The following MYBL2 variants were observed in gnomAD, a reference collection of about 807,000 sequenced individuals.
MYBL2 encodes myb-related protein B.
Under a neutral mutation model 79.9 loss-of-function variants are expected in MYBL2, and 28 were observed. The ratio of observed to expected loss-of-function variants is 0.35; its 90% CI spans 0.26 to 0.48. The LOEUF is 0.48. Ranked by LOEUF, MYBL2 falls within the 20% of genes least tolerant of loss-of-function variation. The probability of loss-of-function intolerance (pLI) is 0.99; values close to 1 mark genes in which losing one functional copy is unlikely to be tolerated. For synonymous variants in MYBL2, 378 were observed against 361.2 expected (o/e 1.05, Z -0.53); for missense variants, 735 against 893.9 (o/e 0.82, Z 2.27).
intron 5 of MYBL2, among the ~76,000 whole-genome samples, chr20:43,689,491 C>G (rs969953621): frequency 1.3e-5 from 2 of 152,156 alleles, no homozygotes; most frequent in Admixed American, 1.3e-4. Flanking sequence ...ACCCTGAGCT[C>G]TTCTCAGAGC....
At chr20:43,675,433 C>T (rs529772546) in intron 2 of MYBL2, among the ~76,000 whole-genome samples, 2 of 152,062 alleles carry the variant, frequency 1.3e-5, no homozygotes, top group South Asian at 2.1e-4. Context: ...CCTGCCTGAG[C>T]CTCCTGAGTA....
At chr20:43,701,703 C>T (rs868171213) in intron 7 of MYBL2, among the ~76,000 whole-genome samples, 2 of 152,212 alleles carry the variant, frequency 1.3e-5, no homozygotes, top group South Asian at 2.1e-4. Context: ...ACATCCCATT[C>T]ACTGCTCTAT....
At chr20:43,689,446 G>A (rs1014173037) in intron 5 of MYBL2, among the ~76,000 whole-genome samples, 2 of 152,088 alleles carry the variant, frequency 1.3e-5, no homozygotes, top group Non-Finnish European at 2.9e-5. Context: ...GTGCTTACTC[G>A]GTGTTAGCTG....
chr20:43,673,789 G>A lies in MYBL2; in HGVS notation c.21-17G>A. On this transcript the variant is annotated splice_polypyrimidine_tract_variant and intron_variant, in intron 1 of 13. Transcript: ENST00000217026. ...ATGGACACACCATCCTTGACCCTTG[G>A]CCTGCTTTCCCCATAGCGAGGATCT... is the stretch of plus-strand genomic sequence containing the variant. 1.9e-6 allele frequency: 3 copies of A among 1,572,146 alleles called. No individual in the cohort carries two copies. The highest frequency in any genetic ancestry group is 2.6e-6 in the Non-Finnish European group (3 of 1,157,492).
chr20:43,687,601 T>G (rs539061860), intron 5 of MYBL2, among the ~76,000 whole-genome samples: 1 of 152,334 alleles, frequency 6.6e-6, no homozygotes, highest in South Asian at 2.1e-4. Context: ...GAGTTCTTTA[T>G]CTCTTTAAGT....
intron 13 of MYBL2, 43 bp from the exon 14 acceptor site, chr20:43,715,916 A>T (rs1988020792): frequency 6.3e-7 from 1 of 1,581,118 alleles, no homozygotes; most frequent in East Asian, 2.2e-5. Flanking sequence ...TGTTGGGAAC[A>T]CATAGTCCCT....
At chr20:43,702,058 C>A (rs372218526) in intron 7 of MYBL2, among the ~76,000 whole-genome samples, 2 of 152,060 alleles carry the variant, frequency 1.3e-5, no homozygotes, top group East Asian at 3.9e-4. Flanking sequence ...ACCCGGAAGG[C>A]GGAGGTTGCA....
rs766959084 is a variant in MYBL2 at position 43,670,960 on chromosome 20, CT to C, written c.21-2838del. Among the ~76,000 whole-genome samples the C allele has an allele frequency of 7.9e-4, 115 of 144,660 alleles. 1 individual carries two copies. Among genetic ancestry groups the C allele is most frequent in the African/African-American group, 2.8e-3 (105 of 37,412 alleles). The allele number at this position is 144,660 out of a possible 152,430, so 94.9% of individuals were successfully genotyped here. A position where few individuals can be genotyped will look rare whatever the true frequency, so the allele number is the denominator to read the frequency against. The stretch of plus-strand genomic sequence containing the variant: ...TCTCTGGAGGTGGATCCTATGATTT[CT>C]TTTTTTTCTTTTTTTTTTTTTTTTT... On this transcript the variant is annotated intron_variant, in intron 1 of 13. Coordinates refer to ENST00000217026, the MANE Select transcript of MYBL2 (RefSeq NM_002466.4).
At chr20:43,710,341 T>C (rs964593873) in intron 10 of MYBL2, among the ~76,000 whole-genome samples, 4 of 152,170 alleles carry the variant, frequency 2.6e-5, no homozygotes, top group Non-Finnish European at 5.9e-5. Context: ...GGGAGACTGA[T>C]GTGAAATACA....
intron 5 of MYBL2, among the ~76,000 whole-genome samples, chr20:43,690,200 T>G (rs937272129): frequency 1.3e-5 from 2 of 151,964 alleles, no homozygotes; most frequent in South Asian, 2.1e-4. Flanking sequence ...TTGTTTTTTT[T>G]TTTTTGTTTG....
chr20:43,712,904 G>T (rs1364780121), intron 11 of MYBL2, 98 bp from the exon 12 acceptor site: 1 of 890,820 alleles, frequency 1.1e-6, no homozygotes, highest in Non-Finnish European at 1.8e-6. Context: ...CTGCAGCAGG[G>T]CCTGGTTTTG....
intron 1 of MYBL2, among the ~76,000 whole-genome samples, chr20:43,671,541 T>C (rs1986857074): frequency 7.0e-6 from 1 of 142,034 alleles, no homozygotes; most frequent in Admixed American, 6.9e-5. Context: ...GGCTTGATCT[T>C]GGCTCACCGC....
At chr20:43,671,234 C>G (rs1438018541) in intron 1 of MYBL2, among the ~76,000 whole-genome samples, 1 of 152,082 alleles carries the variant, frequency 6.6e-6, no homozygotes, top group African/African-American at 2.4e-5. Flanking sequence ...CTGCTCACTG[C>G]AACCTCCGCC....
intron 2 of MYBL2, among the ~76,000 whole-genome samples, chr20:43,674,711 T>C (rs1486200484): frequency 2.0e-5 from 3 of 151,936 alleles, no homozygotes; most frequent in African/African-American, 4.8e-5. Flanking sequence ...TTGTATTTTT[T>C]AGTAGAGACG....
At chr20:43,712,375 C>T (rs986754615) in intron 11 of MYBL2, among the ~76,000 whole-genome samples, 2 of 152,142 alleles carry the variant, frequency 1.3e-5, no homozygotes, top group Admixed American at 1.3e-4. Flanking sequence ...CCCATGTGCA[C>T]GTGGAGAGAA....
At chr20:43,677,713 C>T (rs1379346552) in intron 2 of MYBL2, among the ~76,000 whole-genome samples, 5 of 150,512 alleles carry the variant, frequency 3.3e-5, no homozygotes, top group Non-Finnish European at 7.4e-5. Context: ...GCCAGCCACC[C>T]CGTCCGGGAG....
rs866880843 is a variant in MYBL2, at chr20:43,673,844, C to A, written c.59C>A (p.Ser20Ter). The change falls in exon 2 of 14, where the codon TCA (serine) becomes TAA (stop). Residue 20 changes from serine to a stop codon, truncating the protein, a stop_gained. Coordinates refer to ENST00000217026, the MANE Select transcript of MYBL2 (RefSeq NM_002466.4). LOFTEE classifies it high-confidence loss of function. ...GAGCTGCACTACCAGGACACAGATTCAGATGTGCCGGAGCAGAGGGATAGC... is the reference window on the plus strand; with the variant it reads ...GAGCTGCACTACCAGGACACAGATTAAGATGTGCCGGAGCAGAGGGATAGC... ...LDELHYQDTD[S>*]DVPEQRDSKC... 6.4e-7 allele frequency: 1 copy of A among 1,560,060 alleles called. No individual in the cohort carries two copies. The highest frequency in any genetic ancestry group is 8.7e-7 in the Non-Finnish European group (1 of 1,150,984).
chr20:43,705,276 T>C lies in MYBL2; in HGVS notation c.1423T>C (p.Ser475Pro). 1 of 1,614,110 alleles carries C rather than the reference T, an allele frequency of 6.2e-7. No individual in the cohort carries two copies. Among genetic ancestry groups the C allele is most frequent in the Non-Finnish European group, 8.5e-7 (1 of 1,179,988 alleles). The change falls in exon 9 of 14, where the codon TCC (serine) becomes CCC (proline). Residue 475 changes from serine (S) to proline (P), a missense_variant. Physicochemically the swap from Ser to Pro is moderately conservative, Grantham distance 74 (BLOSUM62 -1). This residue lies in a region of MYBL2 where 243 missense variants were observed against 327.2 expected (regional missense o/e 0.74). Transcript: ENST00000217026. ...TLELESPSLT[S>P]TPVCSQKVVV... is the part of the protein sequence containing the mutation. ...GGAGCTGGAGAGCCCCTCGCTGACATCCACCCCAGTGTGCAGCCAGAAGGT... is the reference window on the plus strand; with the variant it reads ...GGAGCTGGAGAGCCCCTCGCTGACACCCACCCCAGTGTGCAGCCAGAAGGT...
rs140575213 is a variant in MYBL2, at chr20:43,671,947, C to G, written c.21-1859C>G. On this transcript the variant is annotated intron_variant, in intron 1 of 13. Transcript: ENST00000217026. ...ACACTGGGCCGGGCGCGGTGGCTCA[C>G]GCCTGTAATCCCAGCCCGTTGGGAG... 7.6e-3 allele frequency among the ~76,000 whole-genome samples: 1,145 copies of G among 151,646 alleles called. 9 individuals are homozygous for G. Among genetic ancestry groups the G allele is most frequent in the African/African-American group, 0.026 (1,082 of 41,398 alleles).
Sources: allele counts gnomAD v4.1 joint callset (sites outside exome capture counted in the v4.1 genomes callset), GRCh38; gene constraint gnomAD v4.1.1; regional missense constraint gnomAD v4.1.1; transcripts MANE v1.5; gene names NCBI Gene and HGNC (gene_info 2026-07-23, HGNC 2026-07-21).